The following NDC1 variants were observed in gnomAD, a reference collection of about 807,000 sequenced individuals.
NDC1 encodes the protein nucleoporin NDC1.
NDC1 carries 24 observed loss-of-function variants against 89.8 expected under a neutral mutation model. That is an observed-to-expected ratio of 0.27 (90% CI 0.19 to 0.38). The LOEUF (loss-of-function observed/expected upper bound fraction) is 0.38, where lower values mean the gene tolerates loss of function less well. Ranked by LOEUF, NDC1 falls within the 10% of genes least tolerant of loss-of-function variation. The probability of loss-of-function intolerance (pLI) is 1.00; values close to 1 mark genes in which losing one functional copy is unlikely to be tolerated. For synonymous variants in NDC1, 296 were observed against 284.8 expected (o/e 1.04, Z -0.39); for missense variants, 728 against 797.6 (o/e 0.91, Z 1.05).
At chr1:53,793,633 C>T (rs1177597850) in intron 13 of NDC1, among the ~76,000 whole-genome samples, 2 of 151,992 alleles carry the variant, frequency 1.3e-5, no homozygotes, top group Admixed American at 1.3e-4. Flanking sequence ...GCTTTGTCAC[C>T]TAGGCTGGAG....
At position 53,778,083 on chromosome 1, in the gene NDC1, T is replaced by C. The variant is rs188359967; in HGVS notation, c.1801-5594A>G. On this transcript the variant is annotated intron_variant, in intron 16 of 17. Coordinates refer to ENST00000371429, the MANE Select transcript of NDC1 (RefSeq NM_018087.5). ...CAAAAGCTGACCTGACTTGGACTCATCTGGCAGTAAAACATGACCTGTGCT... is the reference window on the plus strand; with the variant it reads ...CAAAAGCTGACCTGACTTGGACTCACCTGGCAGTAAAACATGACCTGTGCT... Among the ~76,000 whole-genome samples the C allele has an allele frequency of 5.7e-4, 87 of 152,206 alleles. 1 individual carries two copies. The highest frequency in any genetic ancestry group is 2.0e-3 in the African/African-American group (85 of 41,548).
In NDC1 at chr1:53,767,307, A is replaced by T. The variant is rs1647073908; in HGVS notation, c.*663T>A. ...CAGTCAATTGTTTCTTAAAGACCAA[A>T]TGTGAATTTTTAATCTTGTAACTTA... On this transcript the variant is annotated 3_prime_UTR_variant, in exon 18 of 18. Transcript: ENST00000371429. The T allele has an allele frequency of 6.6e-6, 1 of 152,192 alleles. No individual in the cohort carries two copies. Among genetic ancestry groups the T allele is most frequent in the African/African-American group, 2.4e-5 (1 of 41,458 alleles). The allele number at this position is 152,192 out of a possible 1,614,324, so 9.4% of individuals were successfully genotyped here.
chr1:53,808,836 T>C (rs1239423104), intron 7 of NDC1, among the ~76,000 whole-genome samples: 2 of 152,184 alleles, frequency 1.3e-5, no homozygotes, highest in Non-Finnish European at 2.9e-5. Context: ...CTAGAAACTT[T>C]GAAAAGTGAG....
chr1:53,779,286 T>C (rs1234419809), intron 16 of NDC1, among the ~76,000 whole-genome samples: 1 of 152,136 alleles, frequency 6.6e-6, no homozygotes, highest in Non-Finnish European at 1.5e-5. Flanking sequence ...CTAGCTACCA[T>C]TATCATCACT....
rs370307512 is a variant in NDC1 at position 53,793,259 on chromosome 1, T to A, written c.1605A>T (p.Lys535Asn). The A allele has an allele frequency of 6.2e-7, 1 of 1,611,768 alleles. No homozygotes were observed. Among genetic ancestry groups the A allele is most frequent in the Non-Finnish European group, 8.5e-7 (1 of 1,177,866 alleles). The change falls in exon 14 of 18, where the codon AAA (lysine) becomes AAT (asparagine). Residue 535 changes from lysine (K) to asparagine (N), a missense_variant. Physicochemically the swap from Lys to Asn is moderately conservative, Grantham distance 94. Transcript: ENST00000371429. ...TGAAAAAATACATTATCAGCACCCGTTTTGACAAGAAATTCTTAATCTGAG... is the reference window on the plus strand; with the variant it reads ...TGAAAAAATACATTATCAGCACCCGATTTGACAAGAAATTCTTAATCTGAG... ...KREQIKNFLS[K>N]RVLIMYFFSK...
intron 16 of NDC1, among the ~76,000 whole-genome samples, chr1:53,785,505 T>G (rs958668413): frequency 1.3e-5 from 2 of 152,140 alleles, no homozygotes; most frequent in African/African-American, 4.8e-5. Flanking sequence ...CTTTGATGGG[T>G]AAGATTTTCT....
At position 53,776,911 on chromosome 1, in the gene NDC1, C is replaced by T. The variant is rs112942815; in HGVS notation, c.1801-4422G>A. ...GAGTAATGATAATTCCTAGGATAAT[C>T]GATAGCAAATTGTTACAAGATAGTG... On this transcript the variant is annotated intron_variant, in intron 16 of 17. Coordinates refer to ENST00000371429, the MANE Select transcript of NDC1 (RefSeq NM_018087.5). Among the ~76,000 whole-genome samples the T allele has an allele frequency of 3.0e-3, 457 of 152,002 alleles. 3 individuals are homozygous for T. The highest frequency in any genetic ancestry group is 0.014 in the Middle Eastern group (4 of 290).
At chr1:53,809,778 A>G (rs367576439) in intron 6 of NDC1, 32 bp from the exon 7 acceptor site, 2 of 1,572,010 alleles carry the variant, frequency 1.3e-6, no homozygotes. Context: ...CTATGAACAT[A>G]AAAAGTTATA....
intron 1 of NDC1, among the ~76,000 whole-genome samples, 162 bp downstream of exon 1, chr1:53,838,043 T>G (rs890957706): frequency 6.6e-6 from 1 of 152,176 alleles, no homozygotes; most frequent in Non-Finnish European, 1.5e-5. Context: ...ACTCAGGACT[T>G]CCCACAACCC....
chr1:53,782,878 T>C (rs1457387406), intron 16 of NDC1, among the ~76,000 whole-genome samples: 1 of 152,238 alleles, frequency 6.6e-6, no homozygotes. Flanking sequence ...GTTATTGGAC[T>C]CACTGACAGA....
chr1:53,821,398 G>A (rs546311052), intron 5 of NDC1, among the ~76,000 whole-genome samples: 1 of 152,318 alleles, frequency 6.6e-6, no homozygotes, highest in East Asian at 1.9e-4. Flanking sequence ...AGCCGAGACT[G>A]CGCCACTGCA....
chr1:53,780,765 T>C (rs769119061), intron 16 of NDC1, among the ~76,000 whole-genome samples: 2 of 152,170 alleles, frequency 1.3e-5, no homozygotes, highest in Non-Finnish European at 2.9e-5. Flanking sequence ...TGCATAACAA[T>C]GTGAATATAT....
chr1:53,794,853 GC>G (rs1407952585), intron 13 of NDC1, among the ~76,000 whole-genome samples: 2 of 152,150 alleles, frequency 1.3e-5, no homozygotes, highest in African/African-American at 4.8e-5. Flanking sequence ...TCCAGCCTGA[GC>G]AACAGACAGA....
intron 3 of NDC1, among the ~76,000 whole-genome samples, chr1:53,829,209 G>C (rs997099249): frequency 6.6e-6 from 1 of 152,106 alleles, no homozygotes; most frequent in African/African-American, 2.4e-5. Flanking sequence ...AGAGATGGCA[G>C]GAGGTAGAAA....
At chr1:53,774,891 T>TA (rs1162174209) in intron 16 of NDC1, among the ~76,000 whole-genome samples, 1 of 152,006 alleles carries the variant, frequency 6.6e-6, no homozygotes, top group African/African-American at 2.4e-5. Context: ...AACCTGTCTC[T>TA]AAAAAACTAA....
chr1:53,788,277 C>T (rs540076863), intron 15 of NDC1, among the ~76,000 whole-genome samples: 1 of 152,108 alleles, frequency 6.6e-6, no homozygotes, highest in Non-Finnish European at 1.5e-5. Flanking sequence ...TTGGGAGACA[C>T]AGCAAGACTC....
intron 16 of NDC1, among the ~76,000 whole-genome samples, chr1:53,784,973 CG>C (rs1481736133): frequency 2.7e-5 from 4 of 150,104 alleles, no homozygotes; most frequent in African/African-American, 9.8e-5. Context: ...AAAAAAAAAG[CG>C]GGGGAGGGAT....
intron 6 of NDC1, among the ~76,000 whole-genome samples, chr1:53,813,458 T>C (rs1351376311): frequency 6.6e-6 from 1 of 152,034 alleles, no homozygotes; most frequent in Admixed American, 6.6e-5. Flanking sequence ...AAGTGGACAC[T>C]AAAAGCAAGC....
Position 53,824,884 on chromosome 1 carries a change from A to C in NDC1, c.594+914T>G, listed in dbSNP as rs549820860. ...TCACAAGGTTCTAAGTTCAAAAAGAAGCCAGCAGGCCATCCACGATGGCTC... is the reference window on the plus strand; with the variant it reads ...TCACAAGGTTCTAAGTTCAAAAAGACGCCAGCAGGCCATCCACGATGGCTC... On this transcript the variant is annotated intron_variant, in intron 5 of 17. Transcript: ENST00000371429. 3.3e-5 allele frequency among the ~76,000 whole-genome samples: 5 copies of C among 152,330 alleles called. No individual in the cohort carries two copies. In the South Asian group the frequency reaches 1.0e-3, roughly 32 times the overall value.
Sources: gnomAD v4.1 joint callset for allele counts (sites outside exome capture counted in the v4.1 genomes callset) on GRCh38, gnomAD v4.1.1 for gene constraint, MANE v1.5 for transcripts, NCBI Gene and HGNC (gene_info 2026-07-23, HGNC 2026-07-21) for gene names.